Variants in TMEM132D observed in about 807,000 individuals in gnomAD.
The protein encoded by TMEM132D is transmembrane protein 132D.
TMEM132D carries 21 observed loss-of-function variants against 62.3 expected under a neutral mutation model. The observed-to-expected ratio is 0.34, with a 90% CI of 0.24 to 0.49. The LOEUF (loss-of-function observed/expected upper bound fraction) is 0.49. Ranked by LOEUF, TMEM132D falls within the 20% of genes least tolerant of loss-of-function variation. The probability of loss-of-function intolerance (pLI) is 0.99; values close to 1 mark genes in which losing one functional copy is unlikely to be tolerated. For missense variants in TMEM132D, 1,346 were observed against 1,402.8 expected, an observed-to-expected ratio of 0.96 and a Z score of 0.65; for synonymous variants, 621 against 575.6, an observed-to-expected ratio of 1.08 and a Z score of -1.13.
At chr12:129,313,310 C>T (rs1004998617) in intron 4 of TMEM132D, among the ~76,000 whole-genome samples, 1 of 152,016 alleles carries the variant, frequency 6.6e-6, no homozygotes, top group Non-Finnish European at 1.5e-5. Context: ...GTATTTTATC[C>T]CTTGCCGTCC....
intron 6 of TMEM132D, 125 bp from the exon 7 acceptor site, chr12:129,082,157 G>C (rs1874476113): frequency 5.8e-6 from 7 of 1,204,342 alleles, no homozygotes; most frequent in Non-Finnish European, 8.0e-6. Flanking sequence ...TTTATAGCCA[G>C]ACATGCAGAG....
Position 129,531,042 on chromosome 12 carries a change from G to T in TMEM132D, c.1115+17C>A. On this transcript the variant is annotated intron_variant, in intron 3 of 8. Coordinates refer to ENST00000422113, the MANE Select transcript of TMEM132D (RefSeq NM_133448.3). ...TTGCAGCTGATCTGAATATATCGGA[G>T]GCCAGTTGGGACTCACCTGTTTTCT... is the stretch of plus-strand genomic sequence containing the variant. 1 of 1,599,986 alleles carries T rather than the reference G, an allele frequency of 6.3e-7. No homozygotes were observed. The highest frequency in any genetic ancestry group is 8.5e-7 in the Non-Finnish European group (1 of 1,172,946).
intron 3 of TMEM132D, among the ~76,000 whole-genome samples, chr12:129,360,634 C>T (rs1198374448): frequency 6.6e-6 from 1 of 151,454 alleles, no homozygotes; most frequent in Non-Finnish European, 1.5e-5. Flanking sequence ...GATCTGATCA[C>T]CCACCTGGGG....
At position 129,277,646 on chromosome 12, in the gene TMEM132D, G is replaced by A. The variant is rs1034804477; in HGVS notation, c.1299+59988C>T. Among the ~76,000 whole-genome samples the A allele has an allele frequency of 2.0e-5, 3 of 152,134 alleles. No homozygotes were observed. Among genetic ancestry groups the A allele is most frequent in the South Asian group, 4.1e-4 (2 of 4,826 alleles). On this transcript the variant is annotated intron_variant, in intron 4 of 8. Coordinates refer to ENST00000422113, the MANE Select transcript of TMEM132D (RefSeq NM_133448.3). The surrounding 1 kb of genome is among the most constrained non-coding windows in gnomAD (Gnocchi z 4.2). ...AAAATTTAAAAGATTACATTTGAAA[G>A]TTAGAAACAAATTTAGTATCTCAAT...
intron 3 of TMEM132D, among the ~76,000 whole-genome samples, chr12:129,459,869 T>C (rs974035181): frequency 1.3e-5 from 2 of 152,210 alleles, no homozygotes; most frequent in African/African-American, 2.4e-5. Flanking sequence ...CATCAGTTTC[T>C]AGAAAACATC....
intron 5 of TMEM132D, among the ~76,000 whole-genome samples, chr12:129,159,617 C>T (rs1328058061): frequency 2.0e-5 from 3 of 151,892 alleles, no homozygotes; most frequent in African/African-American, 7.3e-5. Context: ...ATAAATTAGC[C>T]AGGCATGGTA....
intron 4 of TMEM132D, among the ~76,000 whole-genome samples, chr12:129,268,972 G>A (rs1880774734): frequency 7.5e-6 from 1 of 133,012 alleles, no homozygotes; most frequent in Non-Finnish European, 1.5e-5. Flanking sequence ...TGAACAGTGA[G>A]AACACATGGA....
At chr12:129,326,961 C>T (rs982454796) in intron 4 of TMEM132D, among the ~76,000 whole-genome samples, 1 of 152,126 alleles carries the variant, frequency 6.6e-6, no homozygotes, top group Non-Finnish European at 1.5e-5. Context: ...CAGATACTTG[C>T]GCCTCTATGC....
intron 2 of TMEM132D, among the ~76,000 whole-genome samples, chr12:129,579,379 A>G (rs1877776849): frequency 6.6e-6 from 1 of 152,178 alleles, no homozygotes. Flanking sequence ...GGAGTTTATG[A>G]AGGAGAACTG....
chr12:129,188,690 T>TGATAGATA (rs145843780), intron 5 of TMEM132D, among the ~76,000 whole-genome samples: 2 of 147,192 alleles, frequency 1.4e-5, no homozygotes, highest in South Asian at 4.3e-4. Flanking sequence ...ACTAGATGAT[T>TGATAGATA]GATAGATAGA....
At chr12:129,796,550 A>G (rs980331865) in intron 1 of TMEM132D, among the ~76,000 whole-genome samples, 1 of 151,978 alleles carries the variant, frequency 6.6e-6, no homozygotes, top group Non-Finnish European at 1.5e-5. Context: ...GGCAGCCACA[A>G]AAAAAAGAAA....
intron 2 of TMEM132D, among the ~76,000 whole-genome samples, chr12:129,571,152 C>T (rs1346930579): frequency 6.6e-6 from 1 of 152,204 alleles, no homozygotes; most frequent in Non-Finnish European, 1.5e-5. Context: ...TCCTCTTTCC[C>T]GTCCCTGGAT....
intron 3 of TMEM132D, among the ~76,000 whole-genome samples, chr12:129,444,156 C>G (rs1873024650): frequency 6.6e-6 from 1 of 152,102 alleles, no homozygotes; most frequent in African/African-American, 2.4e-5. Context: ...ACTATAAAAA[C>G]CCAGGAAGAA....
chr12:129,420,967 T>TC (rs1195667939), intron 3 of TMEM132D, among the ~76,000 whole-genome samples: 1 of 151,164 alleles, frequency 6.6e-6, no homozygotes, highest in African/African-American at 2.4e-5. Context: ...TCTACCTTTT[T>TC]TTTTTTTTTT....
intron 3 of TMEM132D, among the ~76,000 whole-genome samples, chr12:129,348,867 A>G (rs907587702): frequency 1.3e-5 from 2 of 152,314 alleles, no homozygotes; most frequent in East Asian, 1.9e-4. Context: ...CACAGCTCCC[A>G]TTGGACAACT....
At chr12:129,759,107 T>C (rs1384237791) in intron 1 of TMEM132D, among the ~76,000 whole-genome samples, 2 of 152,074 alleles carry the variant, frequency 1.3e-5, no homozygotes, top group Admixed American at 1.3e-4. Flanking sequence ...CTAATTTTTG[T>C]ATTTTTAGTA....
intron 1 of TMEM132D, among the ~76,000 whole-genome samples, chr12:129,735,360 C>T (rs536086505): frequency 2.0e-5 from 3 of 152,218 alleles, no homozygotes; most frequent in Non-Finnish European, 2.9e-5. Context: ...GGCTCCCATC[C>T]AATATATAAT....
intron 1 of TMEM132D, among the ~76,000 whole-genome samples, chr12:129,701,220 G>A (rs1881378236): frequency 6.6e-6 from 1 of 152,264 alleles, no homozygotes; most frequent in African/African-American, 2.4e-5. Flanking sequence ...TGCACGTTCT[G>A]CATATACGCA....
intron 1 of TMEM132D, among the ~76,000 whole-genome samples, chr12:129,701,591 G>C (rs1369189930): frequency 1.3e-5 from 2 of 152,202 alleles, no homozygotes; most frequent in Non-Finnish European, 2.9e-5. Context: ...CGCACTGAAC[G>C]TATCTCTCCC....
Sources: allele counts gnomAD v4.1 joint callset (sites outside exome capture counted in the v4.1 genomes callset), GRCh38; gene constraint gnomAD v4.1.1; non-coding constraint Gnocchi (gnomAD v3.1); transcripts MANE v1.5; gene names NCBI Gene and HGNC (gene_info 2026-07-23, HGNC 2026-07-21).